The following DENND2A variants were observed in gnomAD, a reference collection of about 807,000 sequenced individuals.
DENND2A encodes the protein DENN domain containing 2A.
A neutral mutation model predicts 105.3 loss-of-function variants in DENND2A; 53 were observed. The observed-to-expected ratio is 0.50, with a 90% confidence interval of 0.40 to 0.63. The LOEUF (loss-of-function observed/expected upper bound fraction) is 0.63. Ranked by LOEUF, DENND2A falls within the 30% of genes least tolerant of loss-of-function variation. The pLI is 0.00. For synonymous variants in DENND2A, 522 were observed against 508.4 expected (o/e 1.03, Z -0.36); for missense variants, 1,138 against 1,279.6 (o/e 0.89, Z 1.69).
chr7:140,568,335 G>A (rs558946992), intron 8 of DENND2A, among the ~76,000 whole-genome samples: 9 of 152,296 alleles, frequency 5.9e-5, no homozygotes, highest in African/African-American at 2.2e-4. Flanking sequence ...TAGACCCATA[G>A]GGACCAATTA....
At chr7:140,557,526 TATATA>T (rs1225084932) in intron 11 of DENND2A, among the ~76,000 whole-genome samples, 21 of 33,702 alleles carry the variant, frequency 6.2e-4, no homozygotes, top group South Asian at 1.6e-3. Flanking sequence ...TATATATATA[TATATA>T]TTTTTTTTTT....
intron 1 of DENND2A, among the ~76,000 whole-genome samples, chr7:140,639,843 C>T (rs1801119684): frequency 6.6e-6 from 1 of 152,188 alleles, no homozygotes; most frequent in African/African-American, 2.4e-5. Flanking sequence ...CCAGGCCCCC[C>T]ATGACAAGAT....
intron 5 of DENND2A, among the ~76,000 whole-genome samples, chr7:140,579,185 C>T (rs1344661923): frequency 2.6e-5 from 4 of 151,592 alleles, no homozygotes; most frequent in African/African-American, 4.8e-5. Flanking sequence ...CCCAGCTACT[C>T]GAGAGGCTGA....
intron 5 of DENND2A, among the ~76,000 whole-genome samples, chr7:140,583,023 G>T (rs1486171255): frequency 2.6e-5 from 4 of 152,118 alleles, no homozygotes; most frequent in African/African-American, 9.7e-5. Flanking sequence ...TGGGCATGGT[G>T]GCTCACGCCT....
At chr7:140,614,955 C>G (rs926210340) in intron 1 of DENND2A, among the ~76,000 whole-genome samples, 1 of 152,104 alleles carries the variant, frequency 6.6e-6, no homozygotes, top group Non-Finnish European at 1.5e-5. Context: ...CCTCCCTGGG[C>G]TCAGGTGATC....
chr7:140,567,306 GAGAGAGA>G (rs769620161), intron 8 of DENND2A, 33 bp from the exon 9 acceptor site: 1 of 466,606 alleles, frequency 2.1e-6, no homozygotes, highest in African/African-American at 2.9e-5. Flanking sequence ...AAGAGAGAAA[GAGAGAGA>G]GAGAGAGAGA....
At position 140,544,611 on chromosome 7, in the gene DENND2A, C is replaced by T. The variant is rs773384220; in HGVS notation, c.2327+7G>A. The T allele has an allele frequency of 8.7e-6, 14 of 1,614,118 alleles. No homozygotes were observed. The highest frequency in any genetic ancestry group is 1.6e-4 in the Middle Eastern group (1 of 6,062). On this transcript the variant is annotated splice_region_variant and intron_variant, in intron 14 of 19. Coordinates refer to ENST00000496613, the MANE Select transcript of DENND2A (RefSeq NM_015689.5). ...AACGCTTTAGCAGAAGTAGCCAAGGCGGGTACCTGAGCTTGTCTGCAATGA... is the reference window on the plus strand; with the variant it reads ...AACGCTTTAGCAGAAGTAGCCAAGGTGGGTACCTGAGCTTGTCTGCAATGA...
intron 1 of DENND2A, among the ~76,000 whole-genome samples, chr7:140,624,858 G>GTTTTTTTTTGTTTTTTTTT (rs1490104667): frequency 8.1e-5 from 10 of 123,766 alleles, no homozygotes; most frequent in East Asian, 2.2e-4. Context: ...TGTTTTTTTT[G>GTTTTTTTTTGTTTTTTTTT]TTTTTTTTTG....
At chr7:140,526,005 G>A (rs1179432707) in intron 15 of DENND2A, among the ~76,000 whole-genome samples, 3 of 152,136 alleles carry the variant, frequency 2.0e-5, no homozygotes, top group African/African-American at 7.2e-5. Flanking sequence ...TTTCAACACC[G>A]ACACCGCAGG....
At position 140,560,264 on chromosome 7, in the gene DENND2A, T is replaced by C. The variant is rs377596674; in HGVS notation, c.1780-447A>G. On this transcript the variant is annotated intron_variant, in intron 9 of 19. Transcript: ENST00000496613. ...GAATAAATCCAGTAAAACCATATTA[T>C]GCTGGGAAATTCAACTAATTTCAGA... 2.3e-4 allele frequency among the ~76,000 whole-genome samples: 35 copies of C among 152,228 alleles called. 1 individual carries two copies. Among genetic ancestry groups the C allele is most frequent in the East Asian group, 1.9e-3 (10 of 5,180 alleles).
In DENND2A at chr7:140,601,510, C is replaced by A; in HGVS notation, c.888G>T (p.Leu296=). The change falls in exon 3 of 20, where the codon CTG becomes CTT. Residue 296 remains leucine, a synonymous_variant. Transcript: ENST00000496613. ...GGGGAGGTAGAGAGGGCAGAGGAGG[C>A]AGATTTCTTTTCTCTTTCCTGAAGC... ...GIGFRKEKRN[L]PPLPSLPPPP... 6.2e-7 allele frequency: 1 copy of A among 1,614,092 alleles called. No homozygotes were observed. The highest frequency in any genetic ancestry group is 8.5e-7 in the Non-Finnish European group (1 of 1,180,024).
intron 1 of DENND2A, among the ~76,000 whole-genome samples, chr7:140,638,382 TATC>T (rs1801033144): frequency 6.6e-6 from 1 of 152,232 alleles, no homozygotes; most frequent in Non-Finnish European, 1.5e-5. Context: ...TAGTCTAAGT[TATC>T]ATAATCTGTG....
chr7:140,618,802 C>CTT (rs886314678), intron 1 of DENND2A, among the ~76,000 whole-genome samples: 1 of 146,800 alleles, frequency 6.8e-6, no homozygotes, highest in Non-Finnish European at 1.5e-5. Flanking sequence ...TATATATTTC[C>CTT]TTTTTTTTTT....
intron 14 of DENND2A, among the ~76,000 whole-genome samples, chr7:140,531,822 AAACAAC>A (rs60323045): frequency 3.4e-5 from 5 of 146,790 alleles, no homozygotes; most frequent in Non-Finnish European, 7.4e-5. Flanking sequence ...TCTCAAAGGA[AAACAAC>A]AACAACAACA....
At chr7:140,519,562 A>G in intron 19 of DENND2A, 70 bp downstream of exon 19, 1 of 1,411,648 alleles carries the variant, frequency 7.1e-7, no homozygotes, top group Non-Finnish European at 1.0e-6. Flanking sequence ...CAGTGGAGGG[A>G]ACCGGCTGGG....
At chr7:140,578,293 C>T (rs1798392541) in intron 5 of DENND2A, among the ~76,000 whole-genome samples, 1 of 152,108 alleles carries the variant, frequency 6.6e-6, no homozygotes, top group Admixed American at 6.6e-5. Context: ...GGATTCGAGC[C>T]CAGGTTCATT....
chr7:140,561,244 A>T (rs1392468933), intron 9 of DENND2A, among the ~76,000 whole-genome samples: 1 of 152,134 alleles, frequency 6.6e-6, no homozygotes, highest in African/African-American at 2.4e-5. Flanking sequence ...CTAATTATTT[A>T]TCTCATTATT....
chr7:140,520,198 C>T (rs528122024), intron 18 of DENND2A, among the ~76,000 whole-genome samples: 108 of 151,672 alleles, frequency 7.1e-4, no homozygotes, highest in Admixed American at 1.2e-3. Context: ...CCCAGCTACT[C>T]GGGAGGCTGA....
intron 14 of DENND2A, among the ~76,000 whole-genome samples, chr7:140,528,606 C>A (rs1272657835): frequency 6.6e-6 from 1 of 151,592 alleles, no homozygotes; most frequent in Non-Finnish European, 1.5e-5. Flanking sequence ...TCCGTCTCCA[C>A]TAAAAATACA....
Sources: allele counts gnomAD v4.1 joint callset (sites outside exome capture counted in the v4.1 genomes callset), GRCh38; gene constraint gnomAD v4.1.1; transcripts MANE v1.5; gene names NCBI Gene and HGNC (gene_info 2026-07-23, HGNC 2026-07-21).